ROBO1: variants seen among roughly 807,000 people sequenced by gnomAD.
ROBO1 encodes the protein roundabout guidance receptor 1, also known as roundabout homolog 1.
A neutral mutation model predicts 195.9 loss-of-function variants in ROBO1; 149 were observed. That is an observed-to-expected ratio of 0.76 (90% CI 0.67 to 0.87). ROBO1 has a LOEUF of 0.87. Ranked by LOEUF, ROBO1 falls within the 40% of genes least tolerant of loss-of-function variation. The pLI is 0.00. For synonymous variants in ROBO1, 816 were observed against 733.2 expected (o/e 1.11, Z -1.82); for missense variants, 1,933 against 2,068.3 (o/e 0.93, Z 1.27).
At chr3:78,653,934 C>G (rs563670588) in intron 18 of ROBO1, among the ~76,000 whole-genome samples, 2 of 152,214 alleles carry the variant, frequency 1.3e-5, no homozygotes, top group Non-Finnish European at 2.9e-5. Context: ...CAGGGCAGGA[C>G]TAGAGTTTAT....
At chr3:79,476,925 TA>T (rs1191705688) in intron 2 of ROBO1, among the ~76,000 whole-genome samples, 1 of 151,984 alleles carries the variant, frequency 6.6e-6, no homozygotes, top group Non-Finnish European at 1.5e-5. Context: ...TTAAAAATAA[TA>T]ATAATAAATA....
intron 2 of ROBO1, among the ~76,000 whole-genome samples, chr3:79,155,404 C>T (rs754297391): frequency 1.2e-4 from 18 of 151,702 alleles, no homozygotes; most frequent in Admixed American, 3.9e-4. Context: ...CATGAAAAGT[C>T]AAGCACATTA....
chr3:79,247,313 C>T (rs1253915349), intron 2 of ROBO1, among the ~76,000 whole-genome samples: 1 of 149,418 alleles, frequency 6.7e-6, no homozygotes, highest in Non-Finnish European at 1.5e-5. Flanking sequence ...ACTACTACTA[C>T]TACTGTCTTA....
intron 1 of ROBO1, among the ~76,000 whole-genome samples, chr3:79,611,372 A>T (rs570425643): frequency 2.6e-5 from 4 of 152,232 alleles, no homozygotes; most frequent in Admixed American, 2.0e-4. Flanking sequence ...AATTAAAATC[A>T]TTTGACTTAA....
chr3:78,802,014 A>G (rs1211306102), intron 4 of ROBO1, among the ~76,000 whole-genome samples: 1 of 152,114 alleles, frequency 6.6e-6, no homozygotes, highest in Non-Finnish European at 1.5e-5. Context: ...TCCCTTAAAG[A>G]GGTCTTATGA....
At chr3:78,851,145 T>C (rs967849053) in intron 4 of ROBO1, among the ~76,000 whole-genome samples, 1 of 152,104 alleles carries the variant, frequency 6.6e-6, no homozygotes, top group Non-Finnish European at 1.5e-5. Context: ...TTTGTTGTTG[T>C]TTTTGGTCCT....
chr3:79,146,184 C>T (rs115337260), intron 2 of ROBO1, among the ~76,000 whole-genome samples: 364 of 151,920 alleles, frequency 2.4e-3, no homozygotes, highest in Non-Finnish European at 3.1e-3. Context: ...AAGGCAATTA[C>T]GTCACAGAGC....
At chr3:78,990,816 G>A (rs1471486624) in intron 3 of ROBO1, among the ~76,000 whole-genome samples, 1 of 152,160 alleles carries the variant, frequency 6.6e-6, no homozygotes, top group Non-Finnish European at 1.5e-5. Context: ...TGCTGAATGA[G>A]TGAAAAGAAC....
At chr3:78,904,197 A>G (rs2037757053) in intron 4 of ROBO1, among the ~76,000 whole-genome samples, 1 of 152,002 alleles carries the variant, frequency 6.6e-6, no homozygotes, top group Admixed American at 6.6e-5. Flanking sequence ...TCTCAATCAT[A>G]TACCACACTT....
intron 2 of ROBO1, among the ~76,000 whole-genome samples, 167 bp downstream of exon 2, chr3:79,589,657 G>T (rs1164059993): frequency 6.6e-6 from 1 of 151,700 alleles, no homozygotes; most frequent in Non-Finnish European, 1.5e-5. Flanking sequence ...ATAATAATTT[G>T]ACCCCTGAAA....
At chr3:79,705,509 C>T (rs887575907) in intron 1 of ROBO1, among the ~76,000 whole-genome samples, 1 of 151,990 alleles carries the variant, frequency 6.6e-6, no homozygotes, top group Non-Finnish European at 1.5e-5. Context: ...GGCTTTATTT[C>T]TGGGCTCTCT....
intron 9 of ROBO1, 38 bp downstream of exon 9, chr3:78,688,610 T>C (rs550375964): frequency 1.3e-6 from 2 of 1,530,686 alleles, no homozygotes; most frequent in South Asian, 1.3e-5. Context: ...CAACCATCTT[T>C]GCTGATTTAA....
intron 2 of ROBO1, among the ~76,000 whole-genome samples, chr3:79,186,729 C>A (rs527318198): frequency 6.7e-4 from 102 of 152,198 alleles, no homozygotes; most frequent in African/African-American, 2.3e-3. Flanking sequence ...CCCTTCCTAC[C>A]ACTGCAATAG....
At chr3:79,136,052 T>G (rs1171369158) in intron 2 of ROBO1, among the ~76,000 whole-genome samples, 1 of 152,230 alleles carries the variant, frequency 6.6e-6, no homozygotes, top group African/African-American at 2.4e-5. Context: ...CAATGGCATT[T>G]CTCTTTCACC....
chr3:78,613,164 T>G, intron 28 of ROBO1, among the ~76,000 whole-genome samples: 1 of 152,188 alleles, frequency 6.6e-6, no homozygotes, highest in South Asian at 2.1e-4. Context: ...CATCACTCAA[T>G]GCCAGATTCC....
chr3:78,832,279 C>A (rs1454581075), intron 4 of ROBO1, among the ~76,000 whole-genome samples: 1 of 152,176 alleles, frequency 6.6e-6, no homozygotes, highest in Non-Finnish European at 1.5e-5. Context: ...CCTTTCTCCA[C>A]AGTCTCTTTC....
intron 2 of ROBO1, among the ~76,000 whole-genome samples, chr3:79,542,672 T>G (rs1008780707): frequency 4.6e-4 from 70 of 152,180 alleles, no homozygotes; most frequent in African/African-American, 1.7e-3. Flanking sequence ...GAAACTGGTA[T>G]TATTTGCATT....
chr3:79,669,578 G>A (rs1489393326), intron 1 of ROBO1, among the ~76,000 whole-genome samples: 1 of 151,896 alleles, frequency 6.6e-6, no homozygotes, highest in African/African-American at 2.4e-5. Flanking sequence ...ACATAGCCTA[G>A]GGATGTAGTA....
chr3:78,985,661 G>A (rs1161411952), intron 3 of ROBO1, among the ~76,000 whole-genome samples: 1 of 152,132 alleles, frequency 6.6e-6, no homozygotes, highest in Non-Finnish European at 1.5e-5. Flanking sequence ...CTCTACTCAC[G>A]AGATCCTGGT....
Sources: allele counts gnomAD v4.1 joint callset (sites outside exome capture counted in the v4.1 genomes callset), GRCh38; gene constraint gnomAD v4.1.1; transcripts MANE v1.5; gene names NCBI Gene and HGNC (gene_info 2026-07-23, HGNC 2026-07-21).